ZNF787: variants seen among roughly 807,000 people sequenced by gnomAD.
ZNF787 encodes the protein zinc finger protein 787, also known as TTF-I-interacting peptide 20.
In ZNF787, 7 loss-of-function variants were observed where a neutral mutation model predicts 16.9. The ratio of observed to expected loss-of-function variants is 0.42; its 90% CI spans 0.24 to 0.78. ZNF787 has a LOEUF of 0.78. Among genes scored for constraint, ZNF787 ranks in the 30% least tolerant of loss-of-function variants. The pLI, the probability that ZNF787 is intolerant of heterozygous loss-of-function variation, is 0.30. For synonymous variants in ZNF787, 345 were observed against 270.9 expected, an observed-to-expected ratio of 1.27 and a Z score of -2.69; for missense variants, 551 against 589.3, an observed-to-expected ratio of 0.94 and a Z score of 0.67.
chr19:56,114,570 G>T (rs529681075), intron 1 of ZNF787, among the ~76,000 whole-genome samples: 1 of 152,102 alleles, frequency 6.6e-6, no homozygotes, highest in Non-Finnish European at 1.5e-5. Flanking sequence ...CACCTGCCTG[G>T]CTCAGTCTCA....
chr19:56,093,370 T>C (rs1354186209), intron 2 of ZNF787, among the ~76,000 whole-genome samples: 1 of 152,076 alleles, frequency 6.6e-6, no homozygotes, highest in Non-Finnish European at 1.5e-5. Flanking sequence ...TGCCCTATAT[T>C]ACAACCCTCT....
rs550575862 is a variant in ZNF787, at chr19:56,119,839, G to A, written c.-11+1333C>T. 3.9e-5 allele frequency among the ~76,000 whole-genome samples: 6 copies of A among 152,378 alleles called. No individual in the cohort carries two copies. The East Asian group carries it at 7.7e-4, about 20-fold the overall frequency. ...AGGCAGGCAGGTGAATGTCAGCAGC[G>A]TTTAGCCAAAGAGGCTTACGGTCTT... On this transcript the variant is annotated intron_variant, in intron 1 of 2. Coordinates refer to ENST00000610935, the MANE Select transcript of ZNF787 (RefSeq NM_001002836.4).
At chr19:56,103,287 G>GCCCTGCAGGCTGCCT in intron 1 of ZNF787, 60 bp from the exon 2 acceptor site, 3 of 1,441,690 alleles carry the variant, frequency 2.1e-6, no homozygotes, top group Non-Finnish European at 1.9e-6. Context: ...TGCACCGAGG[G>GCCCTGCAGGCTGCCT]CCCTGCAGGG....
intron 1 of ZNF787, among the ~76,000 whole-genome samples, chr19:56,115,210 G>C (rs896705067): frequency 1.3e-5 from 2 of 152,108 alleles, no homozygotes; most frequent in South Asian, 2.1e-4. Context: ...CCTCTCGTCT[G>C]AGCCGGTTTT....
chr19:56,091,590 C>G (rs888632097), intron 2 of ZNF787, among the ~76,000 whole-genome samples: 3 of 152,212 alleles, frequency 2.0e-5, no homozygotes, highest in African/African-American at 7.2e-5. Context: ...CCTCTAGAGG[C>G]AAACTGGGAG....
At chr19:56,103,527 C>A in intron 1 of ZNF787, 1 of 389,550 alleles carries the variant, frequency 2.6e-6, no homozygotes, top group Non-Finnish European at 4.6e-6. Context: ...CTGGGGCAAG[C>A]AACCCCACCT....
chr19:56,091,193 G>A lies in ZNF787; in HGVS notation c.80-2101C>T, dbSNP rs566345281. On this transcript the variant is annotated intron_variant, in intron 2 of 2. Transcript: ENST00000610935. ...GTGACTGAAGGGGACAGAAAGGGAC[G>A]GGCAGGAAAGAGATTTGTTGTCACC... Among the ~76,000 whole-genome samples, 7 of 152,276 alleles carry A rather than the reference G, an allele frequency of 4.6e-5. No homozygotes were observed. The East Asian group carries it at 9.6e-4, about 21-fold the overall frequency.
chr19:56,107,264 G>C (rs186458150), intron 1 of ZNF787, among the ~76,000 whole-genome samples: 11 of 152,326 alleles, frequency 7.2e-5, no homozygotes, highest in African/African-American at 1.7e-4. Flanking sequence ...GAGGAGTACA[G>C]AAACAGTTCA....
chr19:56,103,359 T>G, intron 1 of ZNF787, 132 bp from the exon 2 acceptor site: 1 of 719,652 alleles, frequency 1.4e-6, no homozygotes. Context: ...ACACAGCACC[T>G]ACCCCAGGAC....
intron 2 of ZNF787, among the ~76,000 whole-genome samples, chr19:56,100,244 C>T (rs1986040360): frequency 6.6e-6 from 1 of 152,134 alleles, no homozygotes; most frequent in Non-Finnish European, 1.5e-5. Flanking sequence ...GCATCTCCTG[C>T]CTCCAACACA....
At chr19:56,120,216 ACTT>A in intron 1 of ZNF787, among the ~76,000 whole-genome samples, 1 of 151,358 alleles carries the variant, frequency 6.6e-6, no homozygotes, top group Non-Finnish European at 1.5e-5. Context: ...CACTGGAAAA[ACTT>A]CTGCCTCCAC....
In ZNF787 at chr19:56,088,040, C is replaced by T. The variant is rs373908375; in HGVS notation, c.1132G>A (p.Gly378Ser). 1,481 of 1,347,050 alleles carry T rather than the reference C, an allele frequency of 1.1e-3. 2 individuals carry two copies. Among genetic ancestry groups the T allele is most frequent in the Non-Finnish European group, 1.4e-3 (1,428 of 1,051,618 alleles). The allele number at this position is 1,347,050 out of a possible 1,614,324, so 83.4% of individuals were successfully genotyped here. A position where few individuals can be genotyped will look rare whatever the true frequency, so the allele number is the denominator to read the frequency against. Reference sequence around the variant, plus strand: ...CCCCTCCCCTACCGGCCCTCCCCACCGCGGCACTCGGGGCACCGCCCGCCC... The same window carrying T: ...CCCCTCCCCTACCGGCCCTCCCCACTGCGGCACTCGGGGCACCGCCCGCCC... ...AAGGRCPECRGGEGR is the reference protein window; with the variant it reads ...AAGGRCPECRSGEGR The change falls in exon 3 of 3, where the codon GGT (glycine) becomes AGT (serine). Residue 378 changes from glycine to serine, a missense_variant. Physicochemically the swap from Gly to Ser is moderately conservative, Grantham distance 56. Transcript: ENST00000610935. This position sits in a 1 kb window ranked among gnomAD's most constrained non-coding sequence, Gnocchi z 8.6.
At position 56,120,066 on chromosome 19, in the gene ZNF787, C is replaced by T. The variant is rs74734888; in HGVS notation, c.-11+1106G>A. On this transcript the variant is annotated intron_variant, in intron 1 of 2. Coordinates refer to ENST00000610935, the MANE Select transcript of ZNF787 (RefSeq NM_001002836.4). ...AAATGCCTTCCCTGGCTCCCACAGCCCCCAGACCTCTCCATCAGGGGTCTG... is the reference window on the plus strand; with the variant it reads ...AAATGCCTTCCCTGGCTCCCACAGCTCCCAGACCTCTCCATCAGGGGTCTG... Among the ~76,000 whole-genome samples the T allele has an allele frequency of 2.6e-3, 403 of 152,326 alleles. 1 individual carries two copies. The highest frequency in any genetic ancestry group is 9.3e-3 in the African/African-American group (387 of 41,580).
intron 1 of ZNF787, among the ~76,000 whole-genome samples, chr19:56,108,607 C>A (rs1196620083): frequency 6.6e-6 from 1 of 152,082 alleles, no homozygotes; most frequent in African/African-American, 2.4e-5. Flanking sequence ...CATGTCAGGG[C>A]CCGCTCTGAC....
chr19:56,093,291 A>G (rs1370308675), intron 2 of ZNF787, among the ~76,000 whole-genome samples: 1 of 151,622 alleles, frequency 6.6e-6, no homozygotes, highest in African/African-American at 2.4e-5. Flanking sequence ...CGAAAGTGGG[A>G]TATTCCATAG....
chr19:56,099,854 T>C (rs530026068), intron 2 of ZNF787, among the ~76,000 whole-genome samples: 4 of 151,438 alleles, frequency 2.6e-5, no homozygotes, highest in Admixed American at 2.6e-4. Flanking sequence ...GGAGACAGTG[T>C]GTAGGGCTGG....
chr19:56,112,130 G>A (rs2029997595), intron 1 of ZNF787, among the ~76,000 whole-genome samples: 1 of 152,134 alleles, frequency 6.6e-6, no homozygotes, highest in African/African-American at 2.4e-5. Flanking sequence ...GAGAGGCGGG[G>A]GCACCAGGAG....
chr19:56,102,576 T>A (rs1486763151), intron 2 of ZNF787: 1 of 432,784 alleles, frequency 2.3e-6, no homozygotes, highest in South Asian at 4.8e-5. Flanking sequence ...ACAAAACACA[T>A]TGCCAATGTC....
intron 1 of ZNF787, among the ~76,000 whole-genome samples, chr19:56,116,045 T>C (rs2030127545): frequency 6.6e-6 from 1 of 151,510 alleles, no homozygotes; most frequent in Admixed American, 6.6e-5. Context: ...GGAGTGGGAG[T>C]TGACAGTGCG....
Sources: allele counts gnomAD v4.1 joint callset (sites outside exome capture counted in the v4.1 genomes callset), GRCh38; gene constraint gnomAD v4.1.1; non-coding constraint Gnocchi (gnomAD v3.1); transcripts MANE v1.5; gene names NCBI Gene and HGNC (gene_info 2026-07-23, HGNC 2026-07-21).